Variants in NEDD4L observed in about 807,000 individuals in gnomAD.
NEDD4L encodes E3 ubiquitin-protein ligase NEDD4-like.
In NEDD4L, 54 loss-of-function variants were observed where a neutral mutation model predicts 148.9. The observed-to-expected ratio is 0.36, with a 90% confidence interval of 0.29 to 0.45. The LOEUF is 0.45. NEDD4L is among the 20% of genes least tolerant of loss of function. The pLI, the probability that NEDD4L is intolerant of heterozygous loss-of-function variation, is 1.00. For missense variants in NEDD4L, 856 were observed against 1,233.8 expected (o/e 0.69, Z 4.59); for synonymous variants, 433 against 440.7 (o/e 0.98, Z 0.22).
intron 2 of NEDD4L, among the ~76,000 whole-genome samples, chr18:58,234,056 T>C (rs1433827250): frequency 1.3e-5 from 1 of 79,330 alleles, no homozygotes; most frequent in African/African-American, 5.3e-5. Flanking sequence ...TTTCTTTCTT[T>C]CTTTCTTTCT....
chr18:58,255,693 C>A lies in NEDD4L; in HGVS notation c.297+3639C>A, dbSNP rs965415012. 3.2e-6 allele frequency: 4 copies of A among 1,232,358 alleles called. No individual in the cohort carries two copies. In the African/African-American group the frequency reaches 4.7e-5, roughly 14 times the overall value. 76.3% of individuals were successfully genotyped at this position (1,232,358 alleles called of 1,614,324 possible). A position where few individuals can be genotyped will look rare whatever the true frequency, so the allele number is the denominator to read the frequency against. On this transcript the variant is annotated intron_variant, in intron 5 of 30. Transcript: ENST00000400345. ...GGCTCTGGTCGCAGCAACACAGCCCCCGAATCAGACATCCTAGACCAGGAG... is the reference window on the plus strand; with the variant it reads ...GGCTCTGGTCGCAGCAACACAGCCCACGAATCAGACATCCTAGACCAGGAG...
Position 58,334,672 on chromosome 18 carries a change from C to T in NEDD4L, c.1065+780C>T, listed in dbSNP as rs75989094. Among the ~76,000 whole-genome samples the T allele has an allele frequency of 3.9e-5, 6 of 152,208 alleles. No homozygotes were observed. The East Asian group carries it at 5.8e-4, about 15-fold the overall frequency. ...CATTTTTAAGACTAATAATGTATTA[C>T]GTATGAATTTGAAGGGGGAAAAGTG... On this transcript the variant is annotated intron_variant, in intron 12 of 30. Transcript: ENST00000400345.
chr18:58,186,828 A>T (rs2039535200), intron 2 of NEDD4L, among the ~76,000 whole-genome samples: 1 of 152,184 alleles, frequency 6.6e-6, no homozygotes, highest in Admixed American at 6.5e-5. Context: ...AGGCCTTCTG[A>T]TTCAGCTGGT....
chr18:58,106,632 T>C (rs1006926377), intron 1 of NEDD4L, among the ~76,000 whole-genome samples: 5 of 152,224 alleles, frequency 3.3e-5, no homozygotes, highest in African/African-American at 1.2e-4. Context: ...AGGGTTGTTA[T>C]GAAGATTAAA....
chr18:58,148,163 C>CTTT (rs58114617), intron 1 of NEDD4L, among the ~76,000 whole-genome samples: 9 of 141,922 alleles, frequency 6.3e-5, no homozygotes, highest in South Asian at 2.2e-4. Context: ...CCACACTGTT[C>CTTT]TTTTTTTTTT....
chr18:58,335,426 G>A, intron 12 of NEDD4L, 52 bp from the exon 13 acceptor site: 1 of 1,460,606 alleles, frequency 6.8e-7, no homozygotes, highest in Non-Finnish European at 9.6e-7. Flanking sequence ...GATTCAGACA[G>A]CAGGGGGTCA....
At chr18:58,215,944 G>C (rs117933530) in intron 2 of NEDD4L, among the ~76,000 whole-genome samples, 1 of 151,608 alleles carries the variant, frequency 6.6e-6, no homozygotes, top group Non-Finnish European at 1.5e-5. Flanking sequence ...TCATTTAAGA[G>C]AGAAAGGTAC....
At chr18:58,233,236 T>C (rs1157748358) in intron 2 of NEDD4L, among the ~76,000 whole-genome samples, 1 of 152,202 alleles carries the variant, frequency 6.6e-6, no homozygotes, top group Non-Finnish European at 1.5e-5. Flanking sequence ...ATAATAATAA[T>C]TGGAATAATC....
intron 2 of NEDD4L, chr18:58,195,599 C>T: frequency 2.2e-6 from 3 of 1,343,326 alleles, no homozygotes; most frequent in Non-Finnish European, 2.9e-6. Flanking sequence ...TGTTGGTTAC[C>T]TGGCCGGGAG....
intron 26 of NEDD4L, 73 bp from the exon 27 acceptor site, chr18:58,387,365 AG>A (rs2049171346): frequency 6.9e-7 from 1 of 1,450,150 alleles, no homozygotes; most frequent in South Asian, 1.4e-5. Flanking sequence ...TAACCAGAAA[AG>A]TTTGTTTTTC....
At chr18:58,218,368 A>G (rs1002744778) in intron 2 of NEDD4L, among the ~76,000 whole-genome samples, 6 of 152,308 alleles carry the variant, frequency 3.9e-5, no homozygotes, top group Non-Finnish European at 7.4e-5. Context: ...ATTTAAGTGT[A>G]AGCAATATAC....
intron 5 of NEDD4L, among the ~76,000 whole-genome samples, chr18:58,282,956 G>A (rs927101388): frequency 3.9e-5 from 6 of 152,096 alleles, no homozygotes; most frequent in Non-Finnish European, 5.9e-5. Context: ...ATTATCTGTC[G>A]TCACCAAGAG....
chr18:58,056,105 A>T (rs558754271), intron 1 of NEDD4L, among the ~76,000 whole-genome samples: 1 of 152,286 alleles, frequency 6.6e-6, no homozygotes, highest in South Asian at 2.1e-4. Context: ...TCCCAAACAG[A>T]AGGGAGGAGT....
chr18:58,328,478 G>GA (rs1271737085), intron 9 of NEDD4L, among the ~76,000 whole-genome samples: 6 of 152,284 alleles, frequency 3.9e-5, no homozygotes, highest in Non-Finnish European at 5.9e-5. Flanking sequence ...GAAAGCAGCT[G>GA]AAAAAAATTC....
intron 1 of NEDD4L, among the ~76,000 whole-genome samples, chr18:58,161,367 G>C (rs545777899): frequency 6.6e-6 from 1 of 151,932 alleles, no homozygotes; most frequent in Admixed American, 6.5e-5. Context: ...AGCCTGGATG[G>C]TGTCGTTAAC....
At chr18:58,219,499 A>G (rs1369201202) in intron 2 of NEDD4L, among the ~76,000 whole-genome samples, 2 of 152,210 alleles carry the variant, frequency 1.3e-5, no homozygotes, top group Non-Finnish European at 2.9e-5. Context: ...GGGTGGCTCA[A>G]CTACCACAAA....
chr18:58,336,658 G>A (rs187461988), intron 13 of NEDD4L, among the ~76,000 whole-genome samples: 40 of 152,120 alleles, frequency 2.6e-4, no homozygotes, highest in African/African-American at 8.9e-4. Flanking sequence ...ATAACTTTAC[G>A]TATACAATTG....
intron 1 of NEDD4L, among the ~76,000 whole-genome samples, chr18:58,062,900 A>G (rs1248177227): frequency 6.6e-6 from 1 of 151,450 alleles, no homozygotes; most frequent in African/African-American, 2.4e-5. Context: ...AGGCAGGAAA[A>G]TGGCATGAAC....
chr18:58,237,228 C>A (rs1363923421), intron 2 of NEDD4L, among the ~76,000 whole-genome samples: 1 of 152,272 alleles, frequency 6.6e-6, no homozygotes, highest in Non-Finnish European at 1.5e-5. Flanking sequence ...CCCCGCCCCC[C>A]ACTTTGGTGC....
Sources: allele counts gnomAD v4.1 joint callset (sites outside exome capture counted in the v4.1 genomes callset), GRCh38; gene constraint gnomAD v4.1.1; transcripts MANE v1.5; gene names NCBI Gene and HGNC (gene_info 2026-07-23, HGNC 2026-07-21).